COL25A1: variants seen among roughly 807,000 people sequenced by gnomAD.
COL25A1 encodes the protein collagen type XXV alpha 1 chain, also known as collagen alpha-1(XXV) chain.
COL25A1 carries 103 observed loss-of-function variants against 128.4 expected under a neutral mutation model. The ratio of observed to expected loss-of-function variants is 0.80; its 90% CI spans 0.68 to 0.94. The LOEUF is 0.94. COL25A1 is among the 40% of genes least tolerant of loss of function. COL25A1 has a pLI of 0.00. For synonymous variants in COL25A1, 279 were observed against 277.2 expected, an observed-to-expected ratio of 1.01 and a Z score of -0.06; for missense variants, 745 against 840.0, an observed-to-expected ratio of 0.89 and a Z score of 1.40.
intron 9 of COL25A1, among the ~76,000 whole-genome samples, chr4:108,941,122 T>C (rs1223190412): frequency 1.3e-5 from 2 of 152,170 alleles, no homozygotes; most frequent in Non-Finnish European, 2.9e-5. Flanking sequence ...CTGTTAGTAG[T>C]TACAATTTAT....
intron 5 of COL25A1, among the ~76,000 whole-genome samples, chr4:109,042,640 C>T (rs1208082900): frequency 1.3e-5 from 2 of 151,990 alleles, no homozygotes; most frequent in Admixed American, 6.6e-5. Flanking sequence ...AGTTACTACA[C>T]ATTTAAAAGC....
intron 3 of COL25A1, among the ~76,000 whole-genome samples, chr4:109,217,551 C>T (rs951472963): frequency 1.2e-4 from 16 of 131,464 alleles, no homozygotes; most frequent in African/African-American, 6.0e-4. Context: ...ATGTATAATG[C>T]AATGTGTCTC....
chr4:109,143,815 A>T (rs1485340175), intron 3 of COL25A1, among the ~76,000 whole-genome samples: 4 of 152,286 alleles, frequency 2.6e-5, no homozygotes, highest in African/African-American at 2.4e-5. Context: ...CAAGGTTCTT[A>T]GCTTCCTTGC....
chr4:109,098,145 C>G (rs923411534), intron 3 of COL25A1, among the ~76,000 whole-genome samples: 5 of 152,136 alleles, frequency 3.3e-5, no homozygotes, highest in Non-Finnish European at 7.4e-5. Flanking sequence ...TTTTACTACC[C>G]TTCATCAATA....
At chr4:109,181,756 T>C (rs1280255327) in intron 3 of COL25A1, among the ~76,000 whole-genome samples, 1 of 152,106 alleles carries the variant, frequency 6.6e-6, no homozygotes, top group East Asian at 1.9e-4. Flanking sequence ...ATGTAATACA[T>C]TGTTATTAAC....
intron 31 of COL25A1, among the ~76,000 whole-genome samples, chr4:108,837,328 ATTG>A (rs1282276297): frequency 1.3e-5 from 2 of 152,102 alleles, no homozygotes; most frequent in African/African-American, 4.8e-5. Flanking sequence ...TGTAATCTAT[ATTG>A]TTCTTTGTTG....
At chr4:108,904,365 T>A (rs1451961174) in intron 13 of COL25A1, among the ~76,000 whole-genome samples, 1 of 152,144 alleles carries the variant, frequency 6.6e-6, no homozygotes, top group Non-Finnish European at 1.5e-5. Flanking sequence ...ATTGAGTTCA[T>A]GAAACATTTT....
intron 5 of COL25A1, among the ~76,000 whole-genome samples, chr4:109,021,145 G>A (rs1403956587): frequency 1.3e-5 from 2 of 152,158 alleles, no homozygotes; most frequent in Middle Eastern, 3.2e-3. Context: ...ATGGTGTTTT[G>A]TATTTTTATG....
intron 3 of COL25A1, among the ~76,000 whole-genome samples, chr4:109,232,835 A>G (rs1560906185): frequency 6.6e-6 from 1 of 152,206 alleles, no homozygotes; most frequent in Non-Finnish European, 1.5e-5. Flanking sequence ...CATCAGTGAC[A>G]AAACACTAAC....
At chr4:109,102,589 G>A (rs551662948) in intron 3 of COL25A1, among the ~76,000 whole-genome samples, 1 of 151,938 alleles carries the variant, frequency 6.6e-6, no homozygotes, top group African/African-American at 2.4e-5. Flanking sequence ...TCTGAAAAAA[G>A]GATGTTGAGA....
chr4:109,265,252 A>G (rs568334528), intron 3 of COL25A1, among the ~76,000 whole-genome samples: 1 of 152,276 alleles, frequency 6.6e-6, no homozygotes, highest in South Asian at 2.1e-4. Flanking sequence ...ATCTGTTAAC[A>G]TTCGGGAGCT....
intron 19 of COL25A1, among the ~76,000 whole-genome samples, chr4:108,877,320 G>A (rs1739559229): frequency 6.6e-6 from 1 of 152,114 alleles, no homozygotes; most frequent in Admixed American, 6.6e-5. Context: ...ATCAGCTACA[G>A]TACCTAATGT....
chr4:109,110,618 A>G (rs192519097), intron 3 of COL25A1, among the ~76,000 whole-genome samples: 67 of 152,214 alleles, frequency 4.4e-4, no homozygotes, highest in Admixed American at 8.5e-4. Context: ...AAGAAATGAA[A>G]TGTTCACATT....
At chr4:108,906,372 T>C (rs1743529822) in intron 13 of COL25A1, among the ~76,000 whole-genome samples, 1 of 152,078 alleles carries the variant, frequency 6.6e-6, no homozygotes, top group Non-Finnish European at 1.5e-5. Flanking sequence ...CTCCTTTAAC[T>C]TTGGATCAAA....
chr4:109,148,001 T>C, intron 3 of COL25A1, among the ~76,000 whole-genome samples: 1 of 152,154 alleles, frequency 6.6e-6, no homozygotes, highest in East Asian at 1.9e-4. Flanking sequence ...TAGTCCCTTT[T>C]AGACTGGTTG....
intron 33 of COL25A1, among the ~76,000 whole-genome samples, chr4:108,825,434 T>G (rs1342508722): frequency 6.6e-6 from 1 of 152,164 alleles, no homozygotes; most frequent in Non-Finnish European, 1.5e-5. Flanking sequence ...AGATTAATAT[T>G]TTGCTGATGT....
chr4:109,015,328 G>T (rs972197285), intron 5 of COL25A1, among the ~76,000 whole-genome samples: 2 of 152,172 alleles, frequency 1.3e-5, no homozygotes, highest in East Asian at 1.9e-4. Flanking sequence ...AACTGTGAAG[G>T]TTAACTTTTT....
chr4:109,000,368 T>C (rs560879706), intron 6 of COL25A1, among the ~76,000 whole-genome samples: 20 of 152,148 alleles, frequency 1.3e-4, no homozygotes, highest in East Asian at 3.9e-4. Flanking sequence ...CAAAGATAGA[T>C]AGTTTGTCAG....
At position 109,210,366 on chromosome 4, in the gene COL25A1, T is replaced by C. The variant is rs140161660; in HGVS notation, c.367+90217A>G. On this transcript the variant is annotated intron_variant, in intron 3 of 37. Coordinates refer to ENST00000399132, the MANE Select transcript of COL25A1 (RefSeq NM_198721.4). ...TTCTACTTAAAATTTTAAAATTCAC[T>C]TCTGTTCCAAAAGAGATAATGGTCT... Among the ~76,000 whole-genome samples the C allele has an allele frequency of 7.3e-3, 1,117 of 152,288 alleles. 12 individuals are homozygous for C. The highest frequency in any genetic ancestry group is 0.025 in the African/African-American group (1,026 of 41,566).
Sources: gnomAD v4.1 joint callset for allele counts (sites outside exome capture counted in the v4.1 genomes callset) on GRCh38, gnomAD v4.1.1 for gene constraint, MANE v1.5 for transcripts, NCBI Gene and HGNC (gene_info 2026-07-23, HGNC 2026-07-21) for gene names.